DACH1: variants seen among roughly 807,000 people sequenced by gnomAD.
The protein encoded by DACH1 is dachshund homolog 1.
Under a neutral mutation model 54.2 loss-of-function variants are expected in DACH1, and 12 were observed. The ratio of observed to expected loss-of-function variants is 0.22; its 90% CI spans 0.14 to 0.36. The LOEUF (loss-of-function observed/expected upper bound fraction) is 0.36, where lower values mean the gene tolerates loss of function less well. DACH1 is among the 10% of genes least tolerant of loss of function. The probability of loss-of-function intolerance (pLI) is 1.00; values close to 1 mark genes in which losing one functional copy is unlikely to be tolerated. For missense variants in DACH1, 805 were observed against 929.8 expected, an observed-to-expected ratio of 0.87 and a Z score of 1.75; for synonymous variants, 386 against 366.2, an observed-to-expected ratio of 1.05 and a Z score of -0.62.
chr13:71,630,522 G>T, intron 3 of DACH1, 34 bp downstream of exon 3: 1 of 1,531,300 alleles, frequency 6.5e-7, no homozygotes, highest in South Asian at 1.3e-5. Context: ...GTAGCAAAGT[G>T]ATCACAATAA....
At chr13:71,498,433 A>G (rs1008992392) in intron 6 of DACH1, among the ~76,000 whole-genome samples, 4 of 152,204 alleles carry the variant, frequency 2.6e-5, no homozygotes, top group Admixed American at 2.0e-4. Context: ...TGATAGTAAA[A>G]CTAAAAATAC....
intron 9 of DACH1, 28 bp from the exon 10 acceptor site, chr13:71,475,237 A>T (rs1877412846): frequency 6.3e-7 from 1 of 1,589,564 alleles, no homozygotes; most frequent in Non-Finnish European, 8.6e-7. Flanking sequence ...TAAGAGTGAC[A>T]CATATTTCAT....
chr13:71,464,614 C>T (rs1218913080), intron 10 of DACH1: 1 of 447,124 alleles, frequency 2.2e-6, no homozygotes, highest in African/African-American at 2.0e-5. Context: ...AAATTAGACC[C>T]ATGCAAATAT....
At chr13:71,654,465 A>AAAAT (rs1878943641) in intron 2 of DACH1, among the ~76,000 whole-genome samples, 1 of 108,824 alleles carries the variant, frequency 9.2e-6, no homozygotes, top group Admixed American at 9.3e-5. Flanking sequence ...AAAGTAAAAT[A>AAAAT]AAATAAAATA....
chr13:71,728,006 G>A (rs1034097243), intron 1 of DACH1, among the ~76,000 whole-genome samples: 2 of 152,098 alleles, frequency 1.3e-5, no homozygotes, highest in African/African-American at 2.4e-5. Context: ...GTGATCAGGT[G>A]CGAAACTTAA....
chr13:71,736,056 A>G (rs1036880214), intron 1 of DACH1, among the ~76,000 whole-genome samples: 4 of 152,178 alleles, frequency 2.6e-5, no homozygotes, highest in Non-Finnish European at 4.4e-5. Flanking sequence ...TGAGCTGTGT[A>G]CAGAGAGTAT....
At chr13:71,559,672 A>C (rs984312675) in intron 5 of DACH1, 148 bp downstream of exon 5, 4 of 1,022,740 alleles carry the variant, frequency 3.9e-6, no homozygotes, top group African/African-American at 1.6e-5. Context: ...GCAAACTGGG[A>C]AACATAATTT....
intron 2 of DACH1, among the ~76,000 whole-genome samples, chr13:71,667,199 A>G (rs1879899719): frequency 1.3e-5 from 2 of 152,172 alleles, no homozygotes; most frequent in Non-Finnish European, 2.9e-5. Context: ...TCTCTTACAG[A>G]TAAAAGAAAC....
chr13:71,487,416 A>G (rs1377734706), intron 7 of DACH1, among the ~76,000 whole-genome samples: 1 of 151,334 alleles, frequency 6.6e-6, no homozygotes, highest in Non-Finnish European at 1.5e-5. Flanking sequence ...TCTTTCTTTT[A>G]TTTTTTCTTT....
intron 3 of DACH1, among the ~76,000 whole-genome samples, chr13:71,593,345 AT>A (rs1490582319): frequency 6.6e-6 from 1 of 152,134 alleles, no homozygotes; most frequent in East Asian, 1.9e-4. Context: ...ATGTTCTAAC[AT>A]TTTATGATCA....
intron 2 of DACH1, among the ~76,000 whole-genome samples, chr13:71,662,956 C>T (rs1398563145): frequency 6.6e-6 from 1 of 151,908 alleles, no homozygotes; most frequent in Non-Finnish European, 1.5e-5. Context: ...ATCTTTGCAA[C>T]TCATCATAAA....
intron 4 of DACH1, among the ~76,000 whole-genome samples, chr13:71,571,125 T>C (rs2138410759): frequency 6.6e-6 from 1 of 152,290 alleles, no homozygotes; most frequent in South Asian, 2.1e-4. Flanking sequence ...AAATCTTACC[T>C]AAATGAGAGA....
chr13:71,612,117 T>C (rs1254468396), intron 3 of DACH1, among the ~76,000 whole-genome samples: 2 of 152,140 alleles, frequency 1.3e-5, no homozygotes, highest in Non-Finnish European at 2.9e-5. Flanking sequence ...ACAAAGTTGA[T>C]AGCATACCGA....
chr13:71,746,421 A>C (rs182076280), intron 1 of DACH1, among the ~76,000 whole-genome samples: 1 of 152,304 alleles, frequency 6.6e-6, no homozygotes, highest in East Asian at 1.9e-4. Context: ...GTCACTGATG[A>C]AAAGTAAACT....
chr13:71,762,441 T>A (rs903096536), intron 1 of DACH1, among the ~76,000 whole-genome samples: 8 of 152,098 alleles, frequency 5.3e-5, no homozygotes, highest in Admixed American at 2.6e-4. Flanking sequence ...ATGATGAATA[T>A]GATGTAATAA....
At chr13:71,664,534 G>C (rs982608398) in intron 2 of DACH1, among the ~76,000 whole-genome samples, 8 of 151,916 alleles carry the variant, frequency 5.3e-5, no homozygotes, top group Non-Finnish European at 1.2e-4. Flanking sequence ...GCAATGCAAG[G>C]GGGGAATGAT....
chr13:71,449,450 T>C (rs1218443926), intron 10 of DACH1, among the ~76,000 whole-genome samples: 1 of 152,068 alleles, frequency 6.6e-6, no homozygotes, highest in Non-Finnish European at 1.5e-5. Flanking sequence ...GCTCATGTTC[T>C]CACTTATAAG....
intron 1 of DACH1, among the ~76,000 whole-genome samples, chr13:71,814,503 C>T (rs550506037): frequency 1.3e-5 from 2 of 152,136 alleles, no homozygotes; most frequent in Admixed American, 1.3e-4. Flanking sequence ...GTGGTAAAAA[C>T]CTGGCACCAA....
Position 71,735,270 on chromosome 13 carries a change from A to C in DACH1, c.849-53360T>G, listed in dbSNP as rs1594154421. On this transcript the variant is annotated intron_variant, in intron 1 of 10. Transcript: ENST00000613252. ...TATGGGATATACGTGTATATGGGAT[A>C]CACGTATGTATATGGGATATACACG... 5.6e-5 allele frequency among the ~76,000 whole-genome samples: 2 copies of C among 35,924 alleles called. 1 individual carries two copies. Among genetic ancestry groups the C allele is most frequent in the East Asian group, 6.5e-4 (2 of 3,078 alleles). 23.6% of individuals were successfully genotyped at this position (35,924 alleles called of 152,430 possible).
Sources: allele counts gnomAD v4.1 joint callset (sites outside exome capture counted in the v4.1 genomes callset), GRCh38; gene constraint gnomAD v4.1.1; transcripts MANE v1.5; gene names NCBI Gene and HGNC (gene_info 2026-07-23, HGNC 2026-07-21).